PGAP4: variants seen among roughly 807,000 people sequenced by gnomAD.
The protein encoded by PGAP4 is post-GPI attachment to proteins GalNAc transferase 4.
A neutral mutation model predicts 28.2 loss-of-function variants in PGAP4; 12 were observed. The observed-to-expected ratio is 0.42, with a 90% CI of 0.27 to 0.69. The LOEUF is 0.69. PGAP4 is among the 30% of genes least tolerant of loss of function. The pLI, the probability that PGAP4 is intolerant of heterozygous loss-of-function variation, is 0.22. For synonymous variants in PGAP4, 205 were observed against 211.8 expected (o/e 0.97, Z 0.28); for missense variants, 425 against 513.5 (o/e 0.83, Z 1.67).
chr9:101,481,864 C>T (rs1826497223), intron 1 of PGAP4, among the ~76,000 whole-genome samples: 1 of 152,168 alleles, frequency 6.6e-6, no homozygotes, highest in Non-Finnish European at 1.5e-5. Context: ...CACCTCCACG[C>T]AGTCACTTCC....
chr9:101,518,964 C>T lies in PGAP4; in HGVS notation c.-165+12384G>A, dbSNP rs10989548. Among the ~76,000 whole-genome samples, 144 of 152,274 alleles carry T rather than the reference C, an allele frequency of 9.5e-4. 1 individual carries two copies. Among genetic ancestry groups the T allele is most frequent in the Non-Finnish European group, 1.5e-3 (103 of 68,024 alleles). On this transcript the variant is annotated intron_variant, in intron 2 of 3. Transcript: ENST00000374851. Reference sequence around the variant, plus strand: ...AAGTGTTCCCTGTTCACTACATCCACGTCAACATCTACTGTTTTTTTGATT... The same window carrying T: ...AAGTGTTCCCTGTTCACTACATCCATGTCAACATCTACTGTTTTTTTGATT...
Position 101,475,768 on chromosome 9 carries a change from A to T in PGAP4, c.*113T>A. 1 of 1,209,886 alleles carries T rather than the reference A, an allele frequency of 8.3e-7. No individual in the cohort carries two copies. Among genetic ancestry groups the T allele is most frequent in the Non-Finnish European group, 1.2e-6 (1 of 854,356 alleles). 74.9% of individuals were successfully genotyped at this position (1,209,886 alleles called of 1,614,324 possible). The stretch of plus-strand genomic sequence containing the variant: ...GTTCCTCAGCTGCCCCAGTGCCTAT[A>T]TCTCTAACAACAGTAAACAGTGAAA... On this transcript the variant is annotated 3_prime_UTR_variant, in exon 2 of 2. Transcript: ENST00000374848.
chr9:101,478,690 C>A (rs1259995534), intron 1 of PGAP4, among the ~76,000 whole-genome samples: 1 of 152,112 alleles, frequency 6.6e-6, no homozygotes, highest in Non-Finnish European at 1.5e-5. Flanking sequence ...AATGGAGAGC[C>A]CTGGTGGATC....
At chr9:101,511,214 G>A in intron 2 of PGAP4, among the ~76,000 whole-genome samples, 1 of 152,116 alleles carries the variant, frequency 6.6e-6, no homozygotes. Flanking sequence ...CAAGTGATGG[G>A]GAGTGGCTTT....
upstream of PGAP4, among the ~76,000 whole-genome samples, chr9:101,487,473 A>AT (rs1826643317): frequency 6.6e-6 from 1 of 152,244 alleles, no homozygotes; most frequent in Non-Finnish European, 1.5e-5. Flanking sequence ...CACGAGAGAC[A>AT]TAACGCCTGA....
chr9:101,533,160 C>T (rs1827122332), exon 1 of PGAP4: 1 of 152,086 alleles, frequency 6.6e-6, no homozygotes, highest in Non-Finnish European at 1.5e-5. Flanking sequence ...GACTGATTGG[C>T]GTTTATCTTT....
At chr9:101,517,693 T>C (rs748681252) in intron 2 of PGAP4, among the ~76,000 whole-genome samples, 11 of 152,088 alleles carry the variant, frequency 7.2e-5, no homozygotes, top group South Asian at 2.1e-4. Flanking sequence ...TAAGTTACTA[T>C]TGGGGCCCTA....
chr9:101,509,929 C>T (rs1427762246), intron 2 of PGAP4, among the ~76,000 whole-genome samples: 1 of 152,162 alleles, frequency 6.6e-6, no homozygotes, highest in Non-Finnish European at 1.5e-5. Context: ...GATATGTAAT[C>T]GTTCAAAGAC....
chr9:101,515,054 G>A (rs1373982726), intron 2 of PGAP4, among the ~76,000 whole-genome samples: 1 of 152,122 alleles, frequency 6.6e-6, no homozygotes, highest in Non-Finnish European at 1.5e-5. Context: ...GTTTTCTACT[G>A]CTGTTGTAAC....
chr9:101,508,874 T>C (rs1393983708), intron 2 of PGAP4, among the ~76,000 whole-genome samples: 1 of 152,180 alleles, frequency 6.6e-6, no homozygotes, highest in Non-Finnish European at 1.5e-5. Context: ...TTACATTCAG[T>C]CTACTCTGTA....
intron 2 of PGAP4, among the ~76,000 whole-genome samples, chr9:101,498,179 G>A (rs2118589220): frequency 1.3e-5 from 2 of 151,906 alleles, no homozygotes; most frequent in Middle Eastern, 6.8e-3. Flanking sequence ...TTTGCATTGT[G>A]GTGAGGACTA....
intron 2 of PGAP4, among the ~76,000 whole-genome samples, chr9:101,513,984 G>C (rs1826920666): frequency 6.6e-6 from 1 of 151,660 alleles, no homozygotes; most frequent in Admixed American, 6.6e-5. Flanking sequence ...CTCTAGGAGA[G>C]GGTAAGAGAA....
At position 101,486,518 on chromosome 9, in the gene PGAP4, C is replaced by T. The variant is rs1465940247; in HGVS notation, c.-78+431G>A. 6.6e-6 allele frequency among the ~76,000 whole-genome samples: 1 copy of T among 152,214 alleles called. No individual in the cohort carries two copies. Among genetic ancestry groups the T allele is most frequent in the Non-Finnish European group, 1.5e-5 (1 of 68,040 alleles). On this transcript the variant is annotated intron_variant, in intron 1 of 1. Coordinates refer to ENST00000374848, the MANE Select transcript of PGAP4 (RefSeq NM_032342.3). The surrounding 1 kb of genome is among the most constrained non-coding windows in gnomAD (Gnocchi z 4.7). ...CCCCTGCTTGCGGGCGGCCATTAGGCGCCAGGCCCCTTGGCGCTTCGGCCC... is the reference window on the plus strand; with the variant it reads ...CCCCTGCTTGCGGGCGGCCATTAGGTGCCAGGCCCCTTGGCGCTTCGGCCC...
At chr9:101,528,861 G>A (rs1417540265) in intron 2 of PGAP4, among the ~76,000 whole-genome samples, 1 of 151,566 alleles carries the variant, frequency 6.6e-6, no homozygotes, top group Admixed American at 6.6e-5. Flanking sequence ...TTTGTCATGG[G>A]GGTTTGTTGT....
chr9:101,488,073 T>G (rs892106510), upstream of PGAP4, among the ~76,000 whole-genome samples: 4 of 152,196 alleles, frequency 2.6e-5, no homozygotes, highest in Admixed American at 6.5e-5. Flanking sequence ...AAATTGATAC[T>G]AGATATTAAC....
chr9:101,524,663 T>C (rs915663734), intron 2 of PGAP4, among the ~76,000 whole-genome samples: 1 of 152,228 alleles, frequency 6.6e-6, no homozygotes, highest in African/African-American at 2.4e-5. Flanking sequence ...CTGCTTCCTC[T>C]ACCCCTGTAT....
chr9:101,481,833 C>T (rs1049582947), intron 1 of PGAP4, among the ~76,000 whole-genome samples: 2 of 152,202 alleles, frequency 1.3e-5, no homozygotes, highest in South Asian at 2.1e-4. Context: ...CAGTCTAAAA[C>T]ACTAGTTAGT....
intron 2 of PGAP4, among the ~76,000 whole-genome samples, chr9:101,527,578 C>T (rs986225487): frequency 1.3e-5 from 2 of 152,166 alleles, no homozygotes; most frequent in Non-Finnish European, 2.9e-5. Flanking sequence ...AAATGTTTTA[C>T]AAACTTAAGT....
intron 2 of PGAP4, among the ~76,000 whole-genome samples, chr9:101,517,170 G>A (rs951394231): frequency 1.2e-4 from 19 of 152,110 alleles, no homozygotes; most frequent in Admixed American, 5.2e-4. Flanking sequence ...GATTTCAGAA[G>A]CTTTACCTCA....
Sources: gnomAD v4.1 joint callset for allele counts (sites outside exome capture counted in the v4.1 genomes callset) on GRCh38, gnomAD v4.1.1 for gene constraint, Gnocchi (gnomAD v3.1) non-coding constraint, MANE v1.5 for transcripts, NCBI Gene and HGNC (gene_info 2026-07-23, HGNC 2026-07-21) for gene names.